The following ADARB1 variants were observed in gnomAD, a reference collection of about 807,000 sequenced individuals.
ADARB1 encodes adenosine deaminase RNA specific B1.
ADARB1 carries 10 observed loss-of-function variants against 52.4 expected under a neutral mutation model. The ratio of observed to expected loss-of-function variants is 0.19; its 90% CI spans 0.12 to 0.32. ADARB1 has a LOEUF of 0.32. ADARB1 is among the 10% of genes least tolerant of loss of function. The probability of loss-of-function intolerance (pLI) is 1.00; values close to 1 mark genes in which losing one functional copy is unlikely to be tolerated. For missense variants in ADARB1, 643 were observed against 922.3 expected (o/e 0.70, Z 3.92); for synonymous variants, 349 against 371.1 (o/e 0.94, Z 0.68).
chr21:45,213,472 G>A (rs548406742), intron 9 of ADARB1, among the ~76,000 whole-genome samples: 1 of 152,192 alleles, frequency 6.6e-6, no homozygotes, highest in South Asian at 2.1e-4. Context: ...GTTTAGGTCT[G>A]TGCAACCATC....
rs1452971125 is a variant in ADARB1, at chr21:45,133,152, C to T, written c.-48+4579C>T. Among the ~76,000 whole-genome samples the T allele has an allele frequency of 3.3e-5, 5 of 152,202 alleles. No homozygotes were observed. The East Asian group carries it at 9.6e-4, about 29-fold the overall frequency. ...CAGCCTCTGTTCAGAAGCCTGAGCC[C>T]CTGATTCTGTTCCTTGAAGTGTCAG... On this transcript the variant is annotated intron_variant, in intron 2 of 10. Coordinates refer to ENST00000348831, the MANE Select transcript of ADARB1 (RefSeq NM_001112.4).
chr21:45,196,849 G>A (rs573350276), intron 8 of ADARB1, among the ~76,000 whole-genome samples: 1 of 152,324 alleles, frequency 6.6e-6, no homozygotes, highest in African/African-American at 2.4e-5. Context: ...GGAGGAACTG[G>A]TACTGTCATC....
intron 2 of ADARB1, among the ~76,000 whole-genome samples, chr21:45,161,589 G>A (rs1158336119): frequency 1.3e-5 from 2 of 152,226 alleles, no homozygotes; most frequent in African/African-American, 2.4e-5. Context: ...CCTTGCAGCC[G>A]CCCCTCGGCA....
chr21:45,224,300 T>C lies in ADARB1; in HGVS notation c.*2103T>C. 1 of 985,518 alleles carries C rather than the reference T, an allele frequency of 1.0e-6. No individual in the cohort carries two copies. The highest frequency in any genetic ancestry group is 1.2e-6 in the Non-Finnish European group (1 of 830,012). The allele number at this position is 985,518 out of a possible 1,614,324, so 61.0% of individuals were successfully genotyped here. On this transcript the variant is annotated 3_prime_UTR_variant, in exon 11 of 11. Transcript: ENST00000348831. ...TGTCAGGTAATAGCTAAAGTCAGCA[T>C]GATTGCTCCCTGTACCACCCCAAAT...
intron 2 of ADARB1, chr21:45,152,822 C>T (rs901779828): frequency 1.7e-5 from 3 of 177,972 alleles, no homozygotes; most frequent in African/African-American, 4.8e-5. Flanking sequence ...CCAGTTACTT[C>T]CTATTTTCCC....
intron 1 of ADARB1, among the ~76,000 whole-genome samples, chr21:45,092,722 A>G (rs915070197): frequency 9.9e-5 from 15 of 152,216 alleles, no homozygotes; most frequent in Admixed American, 5.9e-4. Context: ...AGTAATGAAC[A>G]ATATTAGGGA....
At chr21:45,158,249 G>T (rs4819031) in intron 2 of ADARB1, among the ~76,000 whole-genome samples, 47,405 of 151,876 alleles carry the variant, frequency 0.31, 7,927 homozygotes, top group East Asian at 0.4. Flanking sequence ...GGGGCGGGAG[G>T]GGGGAACTCC....
intron 2 of ADARB1, among the ~76,000 whole-genome samples, chr21:45,147,397 G>A (rs979290456): frequency 2.0e-5 from 3 of 152,080 alleles, no homozygotes; most frequent in Non-Finnish European, 2.9e-5. Context: ...TCCTCTGTTG[G>A]GGATACACTG....
chr21:45,109,144 T>C (rs2087393334), intron 1 of ADARB1, among the ~76,000 whole-genome samples: 1 of 151,358 alleles, frequency 6.6e-6, no homozygotes, highest in Admixed American at 6.6e-5. Flanking sequence ...TGCGTGTGTG[T>C]GTGCGCGCGT....
chr21:45,164,298 C>G (rs2091142286), intron 2 of ADARB1, among the ~76,000 whole-genome samples: 1 of 152,076 alleles, frequency 6.6e-6, no homozygotes, highest in South Asian at 2.1e-4. Context: ...CTGAAGTAGG[C>G]CACGAAAGCC....
chr21:45,180,870 T>A (rs73384791), intron 5 of ADARB1, among the ~76,000 whole-genome samples: 3,284 of 152,198 alleles, frequency 0.022, 113 homozygotes, highest in African/African-American at 0.076. Context: ...AGAAAATCCG[T>A]GGGGAAAAAA....
At chr21:45,110,165 T>A (rs1428149412) in intron 1 of ADARB1, among the ~76,000 whole-genome samples, 2 of 152,192 alleles carry the variant, frequency 1.3e-5, no homozygotes, top group Non-Finnish European at 2.9e-5. Flanking sequence ...GAGAAGAAAA[T>A]GTGAGACTCT....
At chr21:45,210,261 TG>T (rs1326712411) in intron 9 of ADARB1, among the ~76,000 whole-genome samples, 2 of 152,200 alleles carry the variant, frequency 1.3e-5, no homozygotes, top group African/African-American at 4.8e-5. Flanking sequence ...TGAAAGGAAT[TG>T]AGCTCCCCTG....
chr21:45,092,475 C>G (rs535661410), intron 1 of ADARB1, among the ~76,000 whole-genome samples: 1 of 152,252 alleles, frequency 6.6e-6, no homozygotes, highest in South Asian at 2.1e-4. Flanking sequence ...TTGGAATTTA[C>G]TCTTACCTTC....
At chr21:45,195,076 T>G (rs2092395682) in intron 8 of ADARB1, among the ~76,000 whole-genome samples, 1 of 152,256 alleles carries the variant, frequency 6.6e-6, no homozygotes, top group Non-Finnish European at 1.5e-5. Context: ...TATTCAGTGT[T>G]GTCAGCAGTT....
chr21:45,183,882 T>C (rs2092009987), intron 7 of ADARB1, among the ~76,000 whole-genome samples: 1 of 152,256 alleles, frequency 6.6e-6, no homozygotes, highest in Non-Finnish European at 1.5e-5. Context: ...TTGCCTGATA[T>C]TTCAGAAGCA....
intron 1 of ADARB1, among the ~76,000 whole-genome samples, chr21:45,096,134 T>C (rs1289061694): frequency 6.6e-6 from 1 of 152,248 alleles, no homozygotes; most frequent in Non-Finnish European, 1.5e-5. Context: ...CGAGCATGGC[T>C]GGGGGCAAGC....
rs531314520 is a variant in ADARB1 at position 45,136,605 on chromosome 21, T to G, written c.-48+8032T>G. 9.9e-4 allele frequency among the ~76,000 whole-genome samples: 150 copies of G among 152,280 alleles called. 1 individual carries two copies. Among genetic ancestry groups the G allele is most frequent in the Admixed American group, 2.5e-3 (38 of 15,300 alleles). The stretch of plus-strand genomic sequence containing the variant: ...GCACTGACCGAGGCCTGGGGACAAA[T>G]GTGGGGACAGACCAGTCCTGTGGGG... On this transcript the variant is annotated intron_variant, in intron 2 of 10. Transcript: ENST00000348831.
intron 1 of ADARB1, among the ~76,000 whole-genome samples, chr21:45,086,280 G>A (rs2086339796): frequency 6.6e-6 from 1 of 152,186 alleles, no homozygotes. Flanking sequence ...TTTTTAGAAT[G>A]CTCTGGGAAA....
Sources: gnomAD v4.1 joint callset for allele counts (sites outside exome capture counted in the v4.1 genomes callset) on GRCh38, gnomAD v4.1.1 for gene constraint, MANE v1.5 for transcripts, NCBI Gene and HGNC (gene_info 2026-07-23, HGNC 2026-07-21) for gene names.